The following ADARB1 variants were observed in gnomAD, a reference collection of about 807,000 sequenced individuals.
The protein encoded by ADARB1 is adenosine deaminase RNA specific B1.
A neutral mutation model predicts 52.4 loss-of-function variants in ADARB1; 10 were observed. The observed-to-expected ratio is 0.19, with a 90% confidence interval of 0.12 to 0.32. The LOEUF (loss-of-function observed/expected upper bound fraction) is 0.32, where lower values mean the gene tolerates loss of function less well. Among genes scored for constraint, ADARB1 ranks in the 10% least tolerant of loss-of-function variants. The pLI is 1.00. For missense variants in ADARB1, 643 were observed against 922.3 expected (o/e 0.70, Z 3.92); for synonymous variants, 349 against 371.1 (o/e 0.94, Z 0.68).
chr21:45,158,073 T>G (rs970408970), intron 2 of ADARB1, among the ~76,000 whole-genome samples: 2 of 152,182 alleles, frequency 1.3e-5, no homozygotes, highest in Admixed American at 6.5e-5. Flanking sequence ...GTGGCTCTTC[T>G]TGGGCCAGCA....
At chr21:45,130,122 G>A (rs1387850870) in intron 2 of ADARB1, among the ~76,000 whole-genome samples, 2 of 152,146 alleles carry the variant, frequency 1.3e-5, no homozygotes, top group Non-Finnish European at 2.9e-5. Context: ...GAAAGAATGA[G>A]GATCCCAGAG....
In ADARB1 at chr21:45,220,656, G is replaced by A. The variant is rs558517038; in HGVS notation, c.1748-180G>A. 6.6e-6 allele frequency among the ~76,000 whole-genome samples: 1 copy of A among 152,368 alleles called. No individual in the cohort carries two copies. Among genetic ancestry groups the A allele is most frequent in the African/African-American group, 2.4e-5 (1 of 41,590 alleles). ...TGCTCCTATTCTGGTGGCCGTGGAA[G>A]AGTGTGAGGCCACTGCCACGGCAGA... On this transcript the variant is annotated intron_variant, in intron 9 of 10. Transcript: ENST00000348831. The surrounding 1 kb of genome is among the most constrained non-coding windows in gnomAD (Gnocchi z 6.3).
At chr21:45,190,950 G>T (rs570151930) in intron 8 of ADARB1, among the ~76,000 whole-genome samples, 2 of 152,172 alleles carry the variant, frequency 1.3e-5, no homozygotes, top group African/African-American at 2.4e-5. Context: ...GCCAAACATC[G>T]TGAAATTTCC....
At chr21:45,102,384 A>G (rs1788645196) in intron 1 of ADARB1, among the ~76,000 whole-genome samples, 1 of 152,246 alleles carries the variant, frequency 6.6e-6, no homozygotes, top group African/African-American at 2.4e-5. Flanking sequence ...GGATGGATTC[A>G]AGTCAGCAAA....
At chr21:45,140,449 G>T (rs1414224277) in intron 2 of ADARB1, among the ~76,000 whole-genome samples, 6 of 152,206 alleles carry the variant, frequency 3.9e-5, no homozygotes, top group Non-Finnish European at 8.8e-5. Flanking sequence ...GGCAGCCCAT[G>T]CCTTGTAGCT....
intron 2 of ADARB1, among the ~76,000 whole-genome samples, chr21:45,152,370 A>T (rs1027546054): frequency 6.6e-6 from 1 of 152,132 alleles, no homozygotes; most frequent in African/African-American, 2.4e-5. Flanking sequence ...TAGCTGTCAC[A>T]TGTCATTCTC....
At chr21:45,114,581 A>C (rs1601406510) in intron 1 of ADARB1, among the ~76,000 whole-genome samples, 1 of 152,152 alleles carries the variant, frequency 6.6e-6, no homozygotes, top group East Asian at 1.9e-4. Context: ...AACATCACTT[A>C]ATTTTTATTG....
chr21:45,212,408 C>T (rs960960458), intron 9 of ADARB1, among the ~76,000 whole-genome samples: 4 of 152,242 alleles, frequency 2.6e-5, no homozygotes, highest in African/African-American at 9.6e-5. Context: ...GGAGGTAGGG[C>T]AGGTGTGCTG....
At chr21:45,164,864 G>A (rs2091176376) in intron 2 of ADARB1, among the ~76,000 whole-genome samples, 2 of 152,180 alleles carry the variant, frequency 1.3e-5, no homozygotes, top group Non-Finnish European at 2.9e-5. Flanking sequence ...AACTTTGGGA[G>A]AAGAGCTGGT....
intron 2 of ADARB1, among the ~76,000 whole-genome samples, chr21:45,149,086 AC>A (rs1262715342): frequency 6.6e-6 from 1 of 152,100 alleles, no homozygotes; most frequent in Non-Finnish European, 1.5e-5. Flanking sequence ...CAACCCTGAC[AC>A]CCGCATGTTC....
At chr21:45,206,446 T>C (rs554863608) in intron 9 of ADARB1, among the ~76,000 whole-genome samples, 3 of 152,322 alleles carry the variant, frequency 2.0e-5, no homozygotes, top group African/African-American at 4.8e-5. Flanking sequence ...ATTTCACTTA[T>C]GTGAAAAGCA....
intron 2 of ADARB1, among the ~76,000 whole-genome samples, chr21:45,149,056 CT>C (rs1459843443): frequency 2.0e-5 from 3 of 152,226 alleles, no homozygotes; most frequent in Non-Finnish European, 4.4e-5. Context: ...GTGAAAGGCC[CT>C]TTCAGGTCTG....
In ADARB1 at chr21:45,137,274, T is replaced by TG. The variant is rs542626842; in HGVS notation, c.-48+8704dup. ...GGAGTGACACAGCAGCTCCCTCTTG[T>TG]GGGCAGATTCCCCTGTGTAAGGTGC... On this transcript the variant is annotated intron_variant, in intron 2 of 10. Transcript: ENST00000348831. 1.4e-3 allele frequency: 218 copies of TG among 152,298 alleles called. 1 individual carries two copies. Among genetic ancestry groups the TG allele is most frequent in the African/African-American group, 5.1e-3 (210 of 41,546 alleles). 9.4% of individuals were successfully genotyped at this position (152,298 alleles called of 1,614,324 possible).
intron 1 of ADARB1, among the ~76,000 whole-genome samples, chr21:45,122,217 A>G (rs944370354): frequency 2.0e-5 from 3 of 152,270 alleles, no homozygotes; most frequent in African/African-American, 7.2e-5. Context: ...GGCAGAGCAG[A>G]GCCTCAATTT....
intron 2 of ADARB1, among the ~76,000 whole-genome samples, chr21:45,154,026 A>G (rs1281397700): frequency 1.3e-5 from 2 of 152,224 alleles, no homozygotes; most frequent in African/African-American, 4.8e-5. Context: ...ACTCATCACT[A>G]ATTATTTAAG....
intron 1 of ADARB1, among the ~76,000 whole-genome samples, chr21:45,114,331 T>C (rs1262701644): frequency 2.0e-5 from 3 of 152,174 alleles, no homozygotes; most frequent in Non-Finnish European, 4.4e-5. Flanking sequence ...CCAAGCACCA[T>C]TGTGACATAC....
chr21:45,173,469 A>T (rs1569114623), intron 3 of ADARB1, among the ~76,000 whole-genome samples: 1 of 152,110 alleles, frequency 6.6e-6, no homozygotes, highest in Non-Finnish European at 1.5e-5. Flanking sequence ...GAATGTATGG[A>T]ATCTGTATCA....
At chr21:45,178,734 G>C (rs1277004539) in intron 4 of ADARB1, among the ~76,000 whole-genome samples, 1 of 152,162 alleles carries the variant, frequency 6.6e-6, no homozygotes, top group Non-Finnish European at 1.5e-5. Context: ...TGTGTGGCAT[G>C]GGTTTAACTC....
chr21:45,198,745 C>T (rs998819444), intron 8 of ADARB1, among the ~76,000 whole-genome samples: 1 of 152,168 alleles, frequency 6.6e-6, no homozygotes, highest in Non-Finnish European at 1.5e-5. Context: ...TTTATCTCCA[C>T]ACCAGACAAG....
Sources: gnomAD v4.1 joint callset for allele counts (sites outside exome capture counted in the v4.1 genomes callset) on GRCh38, gnomAD v4.1.1 for gene constraint, Gnocchi (gnomAD v3.1) non-coding constraint, MANE v1.5 for transcripts, NCBI Gene and HGNC (gene_info 2026-07-23, HGNC 2026-07-21) for gene names.